ZFYVE27: variants seen among roughly 807,000 people sequenced by gnomAD.
ZFYVE27 encodes the protein protrudin.
Under a neutral mutation model 52.8 loss-of-function variants are expected in ZFYVE27, and 36 were observed. The observed-to-expected ratio is 0.68, with a 90% CI of 0.52 to 0.90. ZFYVE27 has a LOEUF of 0.90. ZFYVE27 is among the 40% of genes least tolerant of loss of function. The probability of loss-of-function intolerance (pLI) is 0.00; values close to 1 mark genes in which losing one functional copy is unlikely to be tolerated. For synonymous variants in ZFYVE27, 223 were observed against 215.6 expected, an observed-to-expected ratio of 1.03 and a Z score of -0.30; for missense variants, 450 against 527.2, an observed-to-expected ratio of 0.85 and a Z score of 1.43.
chr10:97,756,537 A>T (rs1425820673), intron 10 of ZFYVE27, among the ~76,000 whole-genome samples: 2 of 152,090 alleles, frequency 1.3e-5, no homozygotes, highest in African/African-American at 4.8e-5. Context: ...CAGAAACCTC[A>T]TTCTCTGTCT....
chr10:97,757,337 T>C (rs1564838012), intron 11 of ZFYVE27, 26 bp downstream of exon 11: 15 of 1,613,988 alleles, frequency 9.3e-6, no homozygotes, highest in Non-Finnish European at 1.3e-5. Flanking sequence ...GGTGCATTTG[T>C]TGGGGACAGT....
At chr10:97,758,623 A>G (rs1488002827) in intron 12 of ZFYVE27, among the ~76,000 whole-genome samples, 1 of 152,186 alleles carries the variant, frequency 6.6e-6, no homozygotes, top group Admixed American at 6.5e-5. Context: ...CCCCCAGCCC[A>G]AGTTCTTTTT....
At chr10:97,750,809 C>T (rs1392901049) in intron 7 of ZFYVE27, among the ~76,000 whole-genome samples, 1 of 151,360 alleles carries the variant, frequency 6.6e-6, no homozygotes, top group Non-Finnish European at 1.5e-5. Flanking sequence ...GGGGCAATCA[C>T]AGCTCACTAC....
At chr10:97,737,840 A>C (rs1349729533) in intron 1 of ZFYVE27, among the ~76,000 whole-genome samples, 2 of 152,188 alleles carry the variant, frequency 1.3e-5, no homozygotes, top group Non-Finnish European at 1.5e-5. Context: ...GTTGTTGGGA[A>C]CCGAAGGGAG....
intron 8 of ZFYVE27, among the ~76,000 whole-genome samples, chr10:97,752,509 G>C (rs1590076239): frequency 1.3e-5 from 2 of 152,274 alleles, no homozygotes; most frequent in South Asian, 4.1e-4. Context: ...CTTGACCCAG[G>C]TCACACTTAG....
chr10:97,748,297 C>T lies in ZFYVE27; in HGVS notation c.484C>T (p.Arg162Cys), dbSNP rs760410064. Residue 162 changes from arginine (R) to cysteine (C), a missense_variant, in exon 5 of 13, where the codon CGC (arginine) becomes TGC (cysteine). Physicochemically the swap from Arg to Cys is radical, Grantham distance 180. Transcript: ENST00000684270. Reference protein sequence around the residue: ...FLIQLEAFLSRLCCTCEAAYR... With the variant: ...FLIQLEAFLSCLCCTCEAAYR... ...GATCCAGCTGGAGGCCTTCCTGAGC[C>T]GCCTGTGCTGCACATGTGAAGCCGC... 2.5e-5 allele frequency: 40 copies of T among 1,614,016 alleles called. No individual in the cohort carries two copies. The highest frequency in any genetic ancestry group is 5.0e-5 in the Admixed American group (3 of 60,000).
At chr10:97,737,654 G>C (rs932031436) in intron 1 of ZFYVE27, among the ~76,000 whole-genome samples, 5 of 152,250 alleles carry the variant, frequency 3.3e-5, no homozygotes, top group Admixed American at 2.6e-4. Context: ...GATTGCCTGG[G>C]ACTGGTTTAT....
chr10:97,757,441 G>GCACACTCACTCC, intron 11 of ZFYVE27, 130 bp downstream of exon 11: 1 of 1,396,660 alleles, frequency 7.2e-7, no homozygotes, highest in Non-Finnish European at 1.0e-6. Context: ...TTTCTGGAGT[G>GCACACTCACTCC]AGTGTGCCCT....
chr10:97,739,794 G>A (rs896490367), intron 2 of ZFYVE27, among the ~76,000 whole-genome samples: 9 of 151,814 alleles, frequency 5.9e-5, no homozygotes, highest in Non-Finnish European at 1.0e-4. Flanking sequence ...CTTTCCTGGA[G>A]AATTTACTAC....
intron 5 of ZFYVE27, 102 bp from the exon 6 acceptor site, chr10:97,749,372 C>T (rs2046322864): frequency 2.3e-6 from 2 of 856,278 alleles, no homozygotes; most frequent in African/African-American, 3.3e-5. Context: ...ATTAATGTGC[C>T]CAGAGCTGTG....
intron 4 of ZFYVE27, among the ~76,000 whole-genome samples, chr10:97,747,919 C>A (rs2045907374): frequency 6.6e-6 from 1 of 152,204 alleles, no homozygotes; most frequent in African/African-American, 2.4e-5. Flanking sequence ...ATTCTGACAG[C>A]TGCTGTGTAC....
intron 5 of ZFYVE27, among the ~76,000 whole-genome samples, chr10:97,748,614 C>T (rs550873305): frequency 9.2e-5 from 14 of 152,250 alleles, no homozygotes; most frequent in Admixed American, 7.8e-4. Flanking sequence ...ACCATGCAGC[C>T]GAATCTCTTG....
intron 1 of ZFYVE27, among the ~76,000 whole-genome samples, chr10:97,737,592 G>A (rs1194771452): frequency 1.3e-5 from 2 of 152,256 alleles, no homozygotes; most frequent in East Asian, 3.9e-4. Flanking sequence ...GGATTTCGGG[G>A]TCCCGTTGGC....
intron 4 of ZFYVE27, among the ~76,000 whole-genome samples, chr10:97,746,285 T>A (rs1048275898): frequency 6.6e-6 from 1 of 152,100 alleles, no homozygotes; most frequent in African/African-American, 2.4e-5. Flanking sequence ...CAGCCTCAGG[T>A]GATCTGCCTG....
intron 3 of ZFYVE27, 132 bp downstream of exon 3, chr10:97,743,296 G>A: frequency 8.9e-7 from 1 of 1,120,272 alleles, no homozygotes; most frequent in Non-Finnish European, 1.3e-6. Context: ...TGTCTGCTTG[G>A]AGTCAGAAAC....
At chr10:97,738,966 A>G (rs189376974) in intron 2 of ZFYVE27, 96 of 412,012 alleles carry the variant, frequency 2.3e-4, no homozygotes, top group Non-Finnish European at 3.9e-4. Flanking sequence ...CACGCCTTCT[A>G]CAGCTTAGAG....
At chr10:97,748,696 TTTTTC>T (rs1308828539) in intron 5 of ZFYVE27, among the ~76,000 whole-genome samples, 1 of 152,234 alleles carries the variant, frequency 6.6e-6, no homozygotes, top group Non-Finnish European at 1.5e-5. Context: ...GTATGTTCAA[TTTTTC>T]TTTTGTTTTC....
At position 97,757,284 on chromosome 10, in the gene ZFYVE27, G is replaced by A. The variant is rs756798085; in HGVS notation, c.1062G>A (p.Ser354=). Residue 354 remains serine, a synonymous_variant, in exon 11 of 13, where the codon TCG becomes TCA. Coordinates refer to ENST00000684270, the MANE Select transcript of ZFYVE27 (RefSeq NM_001385875.1). The part of the protein sequence containing the change: ...TNNFGNCTGC[S]ATFSVLKKRR... The stretch of plus-strand genomic sequence containing the variant: ...TCTCAGGGAACTGCACGGGCTGCTC[G>A]GCCACCTTCTCAGTGCTGAAGAAGA... 26 of 1,614,140 alleles carry A rather than the reference G, an allele frequency of 1.6e-5. No individual in the cohort carries two copies. Among genetic ancestry groups the A allele is most frequent in the East Asian group, 2.2e-5 (1 of 44,882 alleles).
intron 8 of ZFYVE27, among the ~76,000 whole-genome samples, chr10:97,752,292 T>C (rs531582595): frequency 1.3e-5 from 2 of 152,342 alleles, no homozygotes; most frequent in African/African-American, 4.8e-5. Flanking sequence ...ACCTCGTGGA[T>C]TTCCACCAGG....
Sources: gnomAD v4.1 joint callset for allele counts (sites outside exome capture counted in the v4.1 genomes callset) on GRCh38, gnomAD v4.1.1 for gene constraint, MANE v1.5 for transcripts, NCBI Gene and HGNC (gene_info 2026-07-23, HGNC 2026-07-21) for gene names.